FBLIM1: variants seen among roughly 807,000 people sequenced by gnomAD.
FBLIM1 encodes filamin binding LIM protein 1.
A neutral mutation model predicts 37.4 loss-of-function variants in FBLIM1; 29 were observed. The observed-to-expected ratio is 0.77, with a 90% CI of 0.58 to 1.06. The LOEUF (loss-of-function observed/expected upper bound fraction) is 1.06, where lower values mean the gene tolerates loss of function less well. Ranked by LOEUF, FBLIM1 falls within the 50% of genes least tolerant of loss-of-function variation. The probability of loss-of-function intolerance (pLI) is 0.00; values close to 1 mark genes in which losing one functional copy is unlikely to be tolerated. For synonymous variants in FBLIM1, 193 were observed against 199.0 expected, an observed-to-expected ratio of 0.97 and a Z score of 0.25; for missense variants, 449 against 505.6, an observed-to-expected ratio of 0.89 and a Z score of 1.07.
Position 15,760,422 on chromosome 1 carries a change from C to T in FBLIM1, c.-211+1574C>T, listed in dbSNP as rs187015456. On this transcript the variant is annotated intron_variant, in intron 1 of 8. Transcript: ENST00000375766. ...GCGTGTGCCTGTGGTCCCAGCTACT[C>T]AGGAGGCTGAGGCAGGACAATCGCT... is the stretch of plus-strand genomic sequence containing the variant. 1.4e-3 allele frequency among the ~76,000 whole-genome samples: 217 copies of T among 151,170 alleles called. 1 individual carries two copies. The highest frequency in any genetic ancestry group is 5.2e-3 in the African/African-American group (213 of 41,124).
In FBLIM1 at chr1:15,777,717, C is replaced by T. The variant is rs111780661; in HGVS notation, c.1008+430C>T. Among the ~76,000 whole-genome samples, 1,120 of 152,006 alleles carry T rather than the reference C, an allele frequency of 7.4e-3. 13 individuals carry two copies. Among genetic ancestry groups the T allele is most frequent in the South Asian group, 0.032 (152 of 4,816 alleles). On this transcript the variant is annotated intron_variant, in intron 8 of 8. Transcript: ENST00000375766. The stretch of plus-strand genomic sequence containing the variant: ...CCTCCCGAGTAGCTGGGATTACAGG[C>T]GCGCACCACCACACCTGGCTAATTT...
intron 1 of FBLIM1, among the ~76,000 whole-genome samples, chr1:15,761,785 G>A (rs944445881): frequency 6.6e-6 from 1 of 152,192 alleles, no homozygotes; most frequent in African/African-American, 2.4e-5. Flanking sequence ...TTAGGAGCAC[G>A]TGTTATTGTT....
At chr1:15,757,624 C>A (rs964824875), upstream of FBLIM1, among the ~76,000 whole-genome samples, 2 of 152,118 alleles carry the variant, frequency 1.3e-5, no homozygotes, top group African/African-American at 4.8e-5. The surrounding 1 kb of genome is among the most constrained non-coding windows in gnomAD (Gnocchi z 4.1). Context: ...CCAGAGCCAC[C>A]CTGGAGGGGT....
chr1:15,763,529 G>A (rs940498283), intron 1 of FBLIM1, among the ~76,000 whole-genome samples: 3 of 149,470 alleles, frequency 2.0e-5, no homozygotes, highest in African/African-American at 7.3e-5. Flanking sequence ...CCAGCTACTC[G>A]GGAGGCTGAG....
chr1:15,770,428 C>G lies in FBLIM1; in HGVS notation c.561C>G (p.His187Gln), dbSNP rs773544165. 3.1e-6 allele frequency: 5 copies of G among 1,613,452 alleles called. No homozygotes were observed. Among genetic ancestry groups the G allele is most frequent in the Non-Finnish European group, 4.2e-6 (5 of 1,179,868 alleles). ...GASTDICAFC[H>Q]KTVSPRELAV... Reference sequence around the variant, plus strand: ...CCCCAGACATCTGTGCCTTCTGCCACAAGACCGTGTCCCCCCGAGAGCTGG... The same window carrying G: ...CCCCAGACATCTGTGCCTTCTGCCAGAAGACCGTGTCCCCCCGAGAGCTGG... The change falls in exon 6 of 9, where the codon CAC (histidine) becomes CAG (glutamine). Residue 187 changes from histidine to glutamine, a missense_variant. Physicochemically the swap from His to Gln is conservative, Grantham distance 24 (BLOSUM62 0). Coordinates refer to ENST00000375766, the MANE Select transcript of FBLIM1 (RefSeq NM_017556.4).
At chr1:15,760,322 G>A (rs2068607116) in intron 1 of FBLIM1, among the ~76,000 whole-genome samples, 1 of 152,034 alleles carries the variant, frequency 6.6e-6, no homozygotes, top group African/African-American at 2.4e-5. Flanking sequence ...TTGAGGTCAG[G>A]AGTTTGAGAC....
chr1:15,768,128 A>G (rs1021931558), intron 4 of FBLIM1, among the ~76,000 whole-genome samples: 2 of 152,052 alleles, frequency 1.3e-5, no homozygotes, highest in African/African-American at 4.8e-5. Flanking sequence ...CGTGATCCGC[A>G]TGGCTCGGCC....
At chr1:15,784,473 T>C in intron 8 of FBLIM1, 75 bp from the exon 9 acceptor site, 1 of 1,234,138 alleles carries the variant, frequency 8.1e-7, no homozygotes, top group Non-Finnish European at 1.2e-6. Flanking sequence ...ATTCGGCAGA[T>C]GCCAAGTGAG....
chr1:15,765,577 C>G lies in FBLIM1; in HGVS notation c.250+344C>G, dbSNP rs564352640. Reference sequence around the variant, plus strand: ...CAATTTAATACCCTCAAGCAGAGCACGGGGATCTTGGGGTTCAGTCTCCCT... The same window carrying G: ...CAATTTAATACCCTCAAGCAGAGCAGGGGGATCTTGGGGTTCAGTCTCCCT... On this transcript the variant is annotated intron_variant, in intron 3 of 8. Coordinates refer to ENST00000375766, the MANE Select transcript of FBLIM1 (RefSeq NM_017556.4). The surrounding 1 kb of genome is among the most constrained non-coding windows in gnomAD (Gnocchi z 5.9). 6.6e-6 allele frequency among the ~76,000 whole-genome samples: 1 copy of G among 151,840 alleles called. No individual in the cohort carries two copies. The highest frequency in any genetic ancestry group is 2.4e-5 in the African/African-American group (1 of 41,330).
intron 8 of FBLIM1, among the ~76,000 whole-genome samples, chr1:15,784,127 G>C (rs2148667983): frequency 6.6e-6 from 1 of 152,326 alleles, no homozygotes; most frequent in Non-Finnish European, 1.5e-5. Flanking sequence ...GTTGCAGTGA[G>C]CCAAGATCGT....
At chr1:15,776,973 C>T (rs760626697) in intron 7 of FBLIM1, 197 bp from the exon 8 acceptor site, 29 of 554,098 alleles carry the variant, frequency 5.2e-5, no homozygotes, top group Middle Eastern at 5.1e-4. Flanking sequence ...TCTCCAGTGA[C>T]GCTGGGAAAC....
intron 7 of FBLIM1, among the ~76,000 whole-genome samples, chr1:15,776,277 C>A (rs1393640216): frequency 2.0e-5 from 3 of 151,966 alleles, no homozygotes; most frequent in Non-Finnish European, 4.4e-5. Context: ...AAACAAAAAA[C>A]TGAAAAATAA....
rs138018910 is a variant in FBLIM1 at position 15,761,072 on chromosome 1, C to T, written c.-211+2224C>T. Among the ~76,000 whole-genome samples the T allele has an allele frequency of 3.9e-3, 596 of 152,232 alleles. 3 individuals carry two copies. Among genetic ancestry groups the T allele is most frequent in the South Asian group, 0.012 (60 of 4,824 alleles). On this transcript the variant is annotated intron_variant, in intron 1 of 8. Transcript: ENST00000375766. ...TCTGGCCTCAGTGCTGGACATTTTCCGAGAAGCCAGGCAGATCCGACTTCC... is the reference window on the plus strand; with the variant it reads ...TCTGGCCTCAGTGCTGGACATTTTCTGAGAAGCCAGGCAGATCCGACTTCC...
chr1:15,784,446 A>C (rs2069725448), intron 8 of FBLIM1, 102 bp from the exon 9 acceptor site: 8 of 869,158 alleles, frequency 9.2e-6, no homozygotes, highest in South Asian at 3.1e-5. Flanking sequence ...AAGGGCATCC[A>C]CTCATGCAGT....
intron 1 of FBLIM1, among the ~76,000 whole-genome samples, chr1:15,761,324 A>C (rs1024682068): frequency 6.6e-6 from 1 of 152,112 alleles, no homozygotes; most frequent in Admixed American, 6.6e-5. Flanking sequence ...GTTCCATTAG[A>C]ATTCCGAGTG....
In FBLIM1 at chr1:15,765,384, G is replaced by T. The variant is rs1250422980; in HGVS notation, c.250+151G>T. 62 of 1,118,432 alleles carry T rather than the reference G, an allele frequency of 5.5e-5. No homozygotes were observed. Among genetic ancestry groups the T allele is most frequent in the Non-Finnish European group, 6.5e-5 (52 of 806,100 alleles). The allele number at this position is 1,118,432 out of a possible 1,614,324, so 69.3% of individuals were successfully genotyped here. On this transcript the variant is annotated intron_variant, in intron 3 of 8. Transcript: ENST00000375766. The surrounding 1 kb of genome is among the most constrained non-coding windows in gnomAD (Gnocchi z 5.9). ...AAAAAGATGTGCCCCTTCTGGGTGG[G>T]CAAGGGAGCCCGGGAAATAGAGGCT...
At chr1:15,763,635 C>CA (rs1388089587) in intron 1 of FBLIM1, among the ~76,000 whole-genome samples, 2 of 150,688 alleles carry the variant, frequency 1.3e-5, no homozygotes, top group South Asian at 2.2e-4. Context: ...GATTCCGTCT[C>CA]AAAAAATAAA....
chr1:15,767,759 T>C (rs1023383811), intron 4 of FBLIM1, among the ~76,000 whole-genome samples, 196 bp downstream of exon 4: 1 of 152,030 alleles, frequency 6.6e-6, no homozygotes, highest in Admixed American at 6.6e-5. Flanking sequence ...TGTTTCAGGG[T>C]CCCTGGAGAG....
At chr1:15,780,923 A>G (rs2069618078) in intron 8 of FBLIM1, among the ~76,000 whole-genome samples, 1 of 152,154 alleles carries the variant, frequency 6.6e-6, no homozygotes, top group Non-Finnish European at 1.5e-5. Context: ...AAGTGCTGTT[A>G]TCCCCAACAT....
Sources: allele counts gnomAD v4.1 joint callset (sites outside exome capture counted in the v4.1 genomes callset), GRCh38; gene constraint gnomAD v4.1.1; non-coding constraint Gnocchi (gnomAD v3.1); transcripts MANE v1.5; gene names NCBI Gene and HGNC (gene_info 2026-07-23, HGNC 2026-07-21).